The following BACH2 variants were observed in gnomAD, a reference collection of about 807,000 sequenced individuals.
BACH2 encodes the protein BACH transcriptional regulator 2, also known as transcription regulator protein BACH2.
Under a neutral mutation model 61.8 loss-of-function variants are expected in BACH2, and 5 were observed. That is an observed-to-expected ratio of 0.08 (90% CI 0.04 to 0.17). The LOEUF is 0.17. Ranked by LOEUF, BACH2 falls within the 10% of genes least tolerant of loss-of-function variation. The pLI is 1.00. For synonymous variants in BACH2, 446 were observed against 440.1 expected (o/e 1.01, Z -0.17); for missense variants, 824 against 1,091.1 (o/e 0.76, Z 3.45).
intron 1 of BACH2, among the ~76,000 whole-genome samples, chr6:90,291,549 A>AC (rs775055952): frequency 2.1e-5 from 3 of 143,840 alleles, no homozygotes; most frequent in South Asian, 4.7e-4. Flanking sequence ...CCCTGAACTG[A>AC]CAAAAAAAAA....
chr6:89,989,663 C>G (rs1469149859), intron 6 of BACH2, among the ~76,000 whole-genome samples: 1 of 152,174 alleles, frequency 6.6e-6, no homozygotes, highest in Non-Finnish European at 1.5e-5. Flanking sequence ...ACTAAGGGCC[C>G]AAGTTGTCCC....
chr6:90,157,528 C>T (rs1028445890), intron 4 of BACH2, among the ~76,000 whole-genome samples: 1 of 152,228 alleles, frequency 6.6e-6, no homozygotes, highest in Non-Finnish European at 1.5e-5. Flanking sequence ...TAGCCCACAG[C>T]TCACTGATAT....
At chr6:90,229,789 A>G (rs1213858451) in intron 3 of BACH2, among the ~76,000 whole-genome samples, 2 of 152,190 alleles carry the variant, frequency 1.3e-5, no homozygotes, top group South Asian at 2.1e-4. Flanking sequence ...TTAGACTAGG[A>G]GAGAGAAACT....
chr6:90,025,927 G>A (rs748404123), intron 5 of BACH2, among the ~76,000 whole-genome samples: 1 of 152,128 alleles, frequency 6.6e-6, no homozygotes, highest in Non-Finnish European at 1.5e-5. Context: ...ATGACTCAAC[G>A]GATCATTTTA....
intron 4 of BACH2, among the ~76,000 whole-genome samples, chr6:90,162,885 T>G (rs908338204): frequency 6.6e-6 from 1 of 152,226 alleles, no homozygotes; most frequent in African/African-American, 2.4e-5. Flanking sequence ...CTGGCGTGTG[T>G]CTCCGAAATC....
At chr6:89,990,769 A>G (rs1776501021) in intron 6 of BACH2, among the ~76,000 whole-genome samples, 1 of 152,106 alleles carries the variant, frequency 6.6e-6, no homozygotes, top group Non-Finnish European at 1.5e-5. Context: ...TTTTCTCTTA[A>G]GTTGCTGATC....
intron 4 of BACH2, among the ~76,000 whole-genome samples, chr6:90,091,100 G>A (rs1782140930): frequency 6.6e-6 from 1 of 152,152 alleles, no homozygotes; most frequent in Admixed American, 6.6e-5. Context: ...TCCCCAATAA[G>A]TTTGTAGGAA....
intron 1 of BACH2, among the ~76,000 whole-genome samples, chr6:90,295,891 C>A (rs893649081): frequency 1.3e-5 from 2 of 152,164 alleles, no homozygotes; most frequent in Non-Finnish European, 2.9e-5. Flanking sequence ...CCCCGCCGGT[C>A]GCGGTGGTCC....
At chr6:90,030,071 T>C (rs1213618826) in intron 5 of BACH2, among the ~76,000 whole-genome samples, 1 of 152,242 alleles carries the variant, frequency 6.6e-6, no homozygotes, top group African/African-American at 2.4e-5. Flanking sequence ...ATTGGCTCTA[T>C]ACAATGTGGA....
chr6:90,126,644 G>C (rs1433009239), intron 4 of BACH2, among the ~76,000 whole-genome samples: 3 of 152,188 alleles, frequency 2.0e-5, no homozygotes, highest in Non-Finnish European at 4.4e-5. Context: ...AAAACACTGA[G>C]AAGCATCTCT....
At chr6:90,116,734 A>G in intron 4 of BACH2, 1 of 424,838 alleles carries the variant, frequency 2.4e-6, no homozygotes, top group South Asian at 2.9e-5. Context: ...GTCTACAATC[A>G]ACTGCTACCA....
intron 4 of BACH2, among the ~76,000 whole-genome samples, chr6:90,175,509 C>T (rs1329013313): frequency 2.6e-5 from 4 of 151,718 alleles, no homozygotes; most frequent in African/African-American, 9.7e-5. Flanking sequence ...ATATTAAAAA[C>T]AACTTTTTGG....
At chr6:90,250,108 A>G (rs1770758611) in intron 3 of BACH2, among the ~76,000 whole-genome samples, 1 of 152,196 alleles carries the variant, frequency 6.6e-6, no homozygotes, top group South Asian at 2.1e-4. Flanking sequence ...CTAGGCCTGA[A>G]CTTTTGATTT....
intron 2 of BACH2, among the ~76,000 whole-genome samples, chr6:90,258,011 T>G (rs1454545563): frequency 6.6e-6 from 1 of 152,120 alleles, no homozygotes; most frequent in African/African-American, 2.4e-5. Flanking sequence ...CCTGACCTTG[T>G]GATCCCCCTA....
chr6:90,216,491 A>G (rs1378919628), intron 3 of BACH2, among the ~76,000 whole-genome samples: 1 of 152,158 alleles, frequency 6.6e-6, no homozygotes, highest in Non-Finnish European at 1.5e-5. Context: ...CCTCTTAAAC[A>G]GCACTGGGAA....
At chr6:90,031,197 C>T (rs1483730994) in intron 5 of BACH2, among the ~76,000 whole-genome samples, 3 of 151,962 alleles carry the variant, frequency 2.0e-5, no homozygotes, top group Non-Finnish European at 4.4e-5. Flanking sequence ...ATTGATGGGA[C>T]ATATCTCAAA....
intron 7 of BACH2, among the ~76,000 whole-genome samples, chr6:89,946,670 TACGTGAAAA>T (rs1773743688): frequency 6.6e-6 from 1 of 152,262 alleles, no homozygotes; most frequent in South Asian, 2.1e-4. Flanking sequence ...GGTAGACAGC[TACGTGAAAA>T]AAGGAAGCTG....
chr6:90,295,864 A>C, intron 1 of BACH2, among the ~76,000 whole-genome samples: 1 of 151,942 alleles, frequency 6.6e-6, no homozygotes, highest in East Asian at 2.0e-4. Flanking sequence ...CTGCGACCCT[A>C]AACTTGGGCT....
At chr6:90,072,044 C>G (rs1051481433) in intron 5 of BACH2, among the ~76,000 whole-genome samples, 1 of 152,076 alleles carries the variant, frequency 6.6e-6, no homozygotes, top group African/African-American at 2.4e-5. Context: ...GAGGCAGGTA[C>G]ACTCAGTGTA....
Sources: gnomAD v4.1 joint callset for allele counts (sites outside exome capture counted in the v4.1 genomes callset) on GRCh38, gnomAD v4.1.1 for gene constraint, MANE v1.5 for transcripts, NCBI Gene and HGNC (gene_info 2026-07-23, HGNC 2026-07-21) for gene names.